Variants in SHISA9 observed in about 807,000 individuals in gnomAD.
SHISA9 encodes the protein shisa family member 9.
A neutral mutation model predicts 38.0 loss-of-function variants in SHISA9; 13 were observed. That is an observed-to-expected ratio of 0.34 (90% CI 0.22 to 0.54). The LOEUF is 0.54. Ranked by LOEUF, SHISA9 falls within the 20% of genes least tolerant of loss-of-function variation. The pLI is 0.91. For missense variants in SHISA9, 538 were observed against 575.8 expected (o/e 0.93, Z 0.67); for synonymous variants, 275 against 242.0 (o/e 1.14, Z -1.27).
chr16:13,384,607 T>A, the SHISA9 span, among the ~76,000 whole-genome samples: 1 of 152,108 alleles, frequency 6.6e-6, no homozygotes, highest in Non-Finnish European at 1.5e-5. Context: ...TCTTTCAGGG[T>A]GGGGAGACAG....
At chr16:13,388,515 T>C in the SHISA9 span, among the ~76,000 whole-genome samples, 125 of 152,150 alleles carry the variant, frequency 8.2e-4, no homozygotes, top group Non-Finnish European at 1.6e-3. Context: ...TTTCACCATG[T>C]TGGCCGGGCT....
the SHISA9 span, among the ~76,000 whole-genome samples, chr16:13,444,436 GAA>G: frequency 2.6e-5 from 4 of 151,356 alleles, no homozygotes; most frequent in East Asian, 5.8e-4. Flanking sequence ...AGGAAGGAAG[GAA>G]GGGAGGAAAC....
At chr16:13,341,884 A>G in the SHISA9 span, among the ~76,000 whole-genome samples, 2 of 152,160 alleles carry the variant, frequency 1.3e-5, no homozygotes, top group Non-Finnish European at 2.9e-5. Context: ...TTCATTATTT[A>G]TCTCTGTTCC....
intron 2 of SHISA9, among the ~76,000 whole-genome samples, chr16:12,928,316 G>GTGTA (rs2071419404): frequency 3.7e-5 from 5 of 135,882 alleles, no homozygotes; most frequent in African/African-American, 2.6e-5. Context: ...GAGGTTGGTT[G>GTGTA]TGTGTGTGTG....
In SHISA9 at chr16:12,902,434, G is replaced by T. The variant is rs1386375816; in HGVS notation, c.370G>T (p.Asp124Tyr). 2 of 1,551,096 alleles carry T rather than the reference G, an allele frequency of 1.3e-6. No individual in the cohort carries two copies. The highest frequency in any genetic ancestry group is 2.7e-5 in the African/African-American group (2 of 73,014). The change falls in exon 1 of 5, where the codon GAC becomes TAC. Residue 124 changes from aspartate (D) to tyrosine (Y), a missense_variant. Coordinates refer to ENST00000558583, the MANE Select transcript of SHISA9 (RefSeq NM_001145204.3). ...GAACCAAAGCACCTGCACCAACTACGACACGCCGCTCTGGCTCAACACCGG... is the reference window on the plus strand; with the variant it reads ...GAACCAAAGCACCTGCACCAACTACTACACGCCGCTCTGGCTCAACACCGG... ...RLNQSTCTNY[D>Y]TPLWLNTGKP...
chr16:13,265,951 T>G, the SHISA9 span, among the ~76,000 whole-genome samples: 3 of 152,214 alleles, frequency 2.0e-5, no homozygotes, highest in African/African-American at 4.8e-5. Flanking sequence ...TCTGTAGGGT[T>G]GGACACTGAG....
intron 2 of SHISA9, among the ~76,000 whole-genome samples, chr16:13,151,305 C>G (rs564074441): frequency 2.6e-5 from 4 of 152,070 alleles, no homozygotes; most frequent in Non-Finnish European, 5.9e-5. Context: ...TGGGGTTTCA[C>G]CATGTTGGCC....
the SHISA9 span, among the ~76,000 whole-genome samples, chr16:13,373,455 G>A: frequency 6.6e-6 from 1 of 152,122 alleles, no homozygotes; most frequent in Non-Finnish European, 1.5e-5. Flanking sequence ...GCCTTGGCTC[G>A]CTCATCCGTA....
At chr16:13,222,550 A>T (rs375661681) in intron 4 of SHISA9, among the ~76,000 whole-genome samples, 57 of 152,264 alleles carry the variant, frequency 3.7e-4, no homozygotes, top group African/African-American at 1.3e-3. Flanking sequence ...TATCAGTCTC[A>T]TGGCCAAATG....
the SHISA9 span, among the ~76,000 whole-genome samples, chr16:13,426,775 T>C: frequency 6.6e-6 from 1 of 152,368 alleles, no homozygotes; most frequent in South Asian, 2.1e-4. Context: ...TAAGTCAGAA[T>C]TGACATCATC....
chr16:13,208,762 TAA>T (rs1165114855), intron 3 of SHISA9, among the ~76,000 whole-genome samples: 1 of 152,188 alleles, frequency 6.6e-6, no homozygotes, highest in Non-Finnish European at 1.5e-5. Context: ...CTCCAAACAT[TAA>T]GTCTGGTTTC....
intron 2 of SHISA9, among the ~76,000 whole-genome samples, chr16:13,146,224 T>C (rs1271810021): frequency 1.3e-5 from 2 of 152,154 alleles, no homozygotes; most frequent in Non-Finnish European, 2.9e-5. Flanking sequence ...TGGAAGTGAT[T>C]ATTTGAATTG....
rs117284217 is a variant in SHISA9, at chr16:13,173,988, G to T, written c.692-29406G>T. Among the ~76,000 whole-genome samples, 11 of 152,228 alleles carry T rather than the reference G, an allele frequency of 7.2e-5. No homozygotes were observed. In the East Asian group the frequency reaches 7.7e-4, roughly 11 times the overall value. ...TGACTGAGGAGTCGGAGTCCTGGCA[G>T]ATTCCACAGTCTGGGACGTGCTGGG... On this transcript the variant is annotated intron_variant, in intron 2 of 4. Coordinates refer to ENST00000558583, the MANE Select transcript of SHISA9 (RefSeq NM_001145204.3).
chr16:13,397,833 C>T, the SHISA9 span, among the ~76,000 whole-genome samples: 3 of 152,270 alleles, frequency 2.0e-5, no homozygotes, highest in East Asian at 3.9e-4. Flanking sequence ...TTCTGTATCC[C>T]AGGGTTTCTT....
chr16:13,331,859 G>T, the SHISA9 span: 7 of 152,178 alleles, frequency 4.6e-5, no homozygotes, highest in African/African-American at 1.4e-4. Context: ...TGGGATGATT[G>T]CATGGTATGT....
At chr16:13,402,440 CT>C in the SHISA9 span, among the ~76,000 whole-genome samples, 1 of 151,928 alleles carries the variant, frequency 6.6e-6, no homozygotes, top group Non-Finnish European at 1.5e-5. Flanking sequence ...TGAATTCACC[CT>C]TCCTCCGCTT....
At chr16:13,111,149 C>T (rs777724316) in intron 2 of SHISA9, among the ~76,000 whole-genome samples, 1 of 152,150 alleles carries the variant, frequency 6.6e-6, no homozygotes, top group Non-Finnish European at 1.5e-5. Context: ...GACTTCATGA[C>T]TAAAACACCA....
intron 2 of SHISA9, among the ~76,000 whole-genome samples, chr16:13,114,774 G>C (rs1258277835): frequency 6.6e-6 from 1 of 151,948 alleles, no homozygotes; most frequent in African/African-American, 2.4e-5. Flanking sequence ...TCCATAATCT[G>C]TATGTGTTTT....
At chr16:13,025,627 C>A (rs925170384) in intron 2 of SHISA9, among the ~76,000 whole-genome samples, 1 of 152,222 alleles carries the variant, frequency 6.6e-6, no homozygotes, top group African/African-American at 2.4e-5. Context: ...CAGCCCCATT[C>A]CTAATAGTCA....
Sources: gnomAD v4.1 joint callset for allele counts (sites outside exome capture counted in the v4.1 genomes callset) on GRCh38, gnomAD v4.1.1 for gene constraint, MANE v1.5 for transcripts, NCBI Gene and HGNC (gene_info 2026-07-23, HGNC 2026-07-21) for gene names.